Variants in DIP2C observed in about 807,000 individuals in gnomAD.
The protein encoded by DIP2C is DIP2 acetate--CoA ligase C (putative).
A neutral mutation model predicts 192.4 loss-of-function variants in DIP2C; 33 were observed. The observed-to-expected ratio is 0.17, with a 90% CI of 0.13 to 0.23. The LOEUF is 0.23. DIP2C is among the 10% of genes least tolerant of loss of function. DIP2C has a pLI of 1.00. For missense variants in DIP2C, 1,537 were observed against 2,110.1 expected, an observed-to-expected ratio of 0.73 and a Z score of 5.32; for synonymous variants, 979 against 864.1, an observed-to-expected ratio of 1.13 and a Z score of -2.33.
intron 9 of DIP2C, among the ~76,000 whole-genome samples, chr10:406,579 G>A (rs1337251943): frequency 6.6e-6 from 1 of 152,236 alleles, no homozygotes; most frequent in East Asian, 1.9e-4. Flanking sequence ...TTCAATCCTG[G>A]GTGGAGAACA....
intron 18 of DIP2C, among the ~76,000 whole-genome samples, chr10:366,634 T>C (rs1277311031): frequency 6.6e-6 from 1 of 151,992 alleles, no homozygotes; most frequent in African/African-American, 2.4e-5. Flanking sequence ...TCAATAAATA[T>C]TTCAATTGCT....
At chr10:594,211 C>A (rs1851565208) in intron 1 of DIP2C, among the ~76,000 whole-genome samples, 1 of 152,220 alleles carries the variant, frequency 6.6e-6, no homozygotes, top group African/African-American at 2.4e-5. Context: ...GTTAAGTCAG[C>A]TCCATGTAAA....
In DIP2C at chr10:553,402, C is replaced by T. The variant is rs568186145; in HGVS notation, c.86-66872G>A. Among the ~76,000 whole-genome samples the T allele has an allele frequency of 3.9e-5, 6 of 152,364 alleles. No homozygotes were observed. In the East Asian group the frequency reaches 7.7e-4, roughly 20 times the overall value. ...CCGCCACTAAGTCCCTCAAGCCCTT[C>T]GTGAGCCTAGAGCCACAGAGCCATT... On this transcript the variant is annotated intron_variant, in intron 1 of 36. Coordinates refer to ENST00000280886, the MANE Select transcript of DIP2C (RefSeq NM_014974.3).
chr10:286,482 C>G, intron 33 of DIP2C, 135 bp from the exon 34 acceptor site: 2 of 761,902 alleles, frequency 2.6e-6, no homozygotes, highest in Non-Finnish European at 4.5e-6. Context: ...AAACTATATG[C>G]CACATAGTTA....
intron 31 of DIP2C, 119 bp from the exon 32 acceptor site, chr10:310,211 A>T: frequency 1.0e-6 from 1 of 976,286 alleles, no homozygotes; most frequent in Non-Finnish European, 1.6e-6. Context: ...TAAAACTAAA[A>T]ACACTTAGAC....
chr10:558,612 G>T (rs1401103180), intron 1 of DIP2C, among the ~76,000 whole-genome samples: 1 of 152,154 alleles, frequency 6.6e-6, no homozygotes, highest in Non-Finnish European at 1.5e-5. Context: ...CTCGGGGAAA[G>T]GCAGCTTCTC....
intron 31 of DIP2C, among the ~76,000 whole-genome samples, chr10:315,306 TTACTC>T (rs1465327758): frequency 6.6e-6 from 1 of 152,238 alleles, no homozygotes; most frequent in Non-Finnish European, 1.5e-5. Flanking sequence ...TTTCTTGTAT[TTACTC>T]TTTTCAGTAT....
At chr10:327,471 T>C (rs1292154488) in intron 30 of DIP2C, among the ~76,000 whole-genome samples, 1 of 152,206 alleles carries the variant, frequency 6.6e-6, no homozygotes, top group Non-Finnish European at 1.5e-5. Context: ...ACTTCCTGGC[T>C]GAGACGATGA....
At chr10:473,354 G>C (rs939235311) in intron 2 of DIP2C, among the ~76,000 whole-genome samples, 3 of 152,180 alleles carry the variant, frequency 2.0e-5, no homozygotes, top group Non-Finnish European at 4.4e-5. Flanking sequence ...TCACCCCACA[G>C]TTCCATGAAC....
At chr10:416,406 C>CG (rs1258365759) in intron 6 of DIP2C, among the ~76,000 whole-genome samples, 1 of 152,134 alleles carries the variant, frequency 6.6e-6, no homozygotes, top group Non-Finnish European at 1.5e-5. Flanking sequence ...CCCACAGCCC[C>CG]GGGCTCAGGT....
intron 3 of DIP2C, among the ~76,000 whole-genome samples, chr10:470,727 T>C (rs954787860): frequency 6.6e-6 from 1 of 151,938 alleles, no homozygotes; most frequent in African/African-American, 2.4e-5. Flanking sequence ...GCGGATCTCC[T>C]GTGTGGTAAG....
chr10:285,167 A>C (rs1289245021), intron 34 of DIP2C, among the ~76,000 whole-genome samples: 2 of 151,964 alleles, frequency 1.3e-5, no homozygotes, highest in East Asian at 3.9e-4. Flanking sequence ...AAAAAAAAAA[A>C]AAAACACAAG....
intron 1 of DIP2C, among the ~76,000 whole-genome samples, chr10:590,569 C>T (rs17159711): frequency 1.1e-4 from 17 of 152,248 alleles, no homozygotes; most frequent in African/African-American, 3.4e-4. Flanking sequence ...ATTCACATTT[C>T]GATTCAACAA....
intron 31 of DIP2C, among the ~76,000 whole-genome samples, chr10:313,981 T>G (rs12268902): frequency 8.4e-4 from 128 of 152,240 alleles, no homozygotes; most frequent in African/African-American, 3.0e-3. Context: ...TAGAAATGTG[T>G]GAAAGAACGA....
At chr10:632,720 C>T (rs1343648036) in intron 1 of DIP2C, among the ~76,000 whole-genome samples, 2 of 49,958 alleles carry the variant, frequency 4.0e-5, no homozygotes. Flanking sequence ...CGGTGTGAAC[C>T]CAGACTCCAC....
At chr10:557,373 G>C (rs1433714361) in intron 1 of DIP2C, among the ~76,000 whole-genome samples, 1 of 151,970 alleles carries the variant, frequency 6.6e-6, no homozygotes, top group Non-Finnish European at 1.5e-5. Flanking sequence ...GCAACCTGTA[G>C]AAGCTGTACA....
chr10:517,384 G>T (rs1290541707), intron 1 of DIP2C, among the ~76,000 whole-genome samples: 1 of 152,146 alleles, frequency 6.6e-6, no homozygotes, highest in Non-Finnish European at 1.5e-5. Context: ...GGGCAGTCCT[G>T]AGTCAGCAGC....
At position 408,907 on chromosome 10, in the gene DIP2C, C is replaced by G. The variant is rs771530503; in HGVS notation, c.1149+19G>C. On this transcript the variant is annotated intron_variant, in intron 9 of 36. Transcript: ENST00000280886. ...GGACTCTTGTGTTTTGTAGATCCAGCAGTTTAAGTTGCACTTACCCTATCT... is the reference window on the plus strand; with the variant it reads ...GGACTCTTGTGTTTTGTAGATCCAGGAGTTTAAGTTGCACTTACCCTATCT... 45 of 1,612,218 alleles carry G rather than the reference C, an allele frequency of 2.8e-5. No individual in the cohort carries two copies. The highest frequency in any genetic ancestry group is 3.7e-5 in the Non-Finnish European group (44 of 1,178,794).
At chr10:607,108 C>T (rs1440765306) in intron 1 of DIP2C, among the ~76,000 whole-genome samples, 1 of 152,180 alleles carries the variant, frequency 6.6e-6, no homozygotes, top group African/African-American at 2.4e-5. Flanking sequence ...CTGCTCACCT[C>T]GGTGGGGCTC....
Sources: allele counts gnomAD v4.1 joint callset (sites outside exome capture counted in the v4.1 genomes callset), GRCh38; gene constraint gnomAD v4.1.1; transcripts MANE v1.5; gene names NCBI Gene and HGNC (gene_info 2026-07-23, HGNC 2026-07-21).